Variants in BMPER observed in about 807,000 individuals in gnomAD.
The protein encoded by BMPER is BMP-binding endothelial regulator protein.
Under a neutral mutation model 87.3 loss-of-function variants are expected in BMPER, and 45 were observed. That is an observed-to-expected ratio of 0.52 (90% CI 0.41 to 0.66). The LOEUF (loss-of-function observed/expected upper bound fraction) is 0.66, where lower values mean the gene tolerates loss of function less well. Among genes scored for constraint, BMPER ranks in the 30% least tolerant of loss-of-function variants. BMPER has a pLI of 0.00. For missense variants in BMPER, 784 were observed against 867.5 expected (o/e 0.90, Z 1.21); for synonymous variants, 326 against 316.2 (o/e 1.03, Z -0.33).
intron 6 of BMPER, among the ~76,000 whole-genome samples, chr7:33,997,802 T>C (rs748327530): frequency 3.3e-5 from 5 of 152,190 alleles, no homozygotes; most frequent in Non-Finnish European, 5.9e-5. Flanking sequence ...TGCCCACATA[T>C]CTGACTTCTT....
At position 33,993,820 on chromosome 7, in the gene BMPER, G is replaced by C. The variant is rs1786308793; in HGVS notation, c.576+19036G>C. ...TTTGGTATGGATGTCCTTTCTGTTT[G>C]TTAGTTTTCCTTCTAACAGACAGGA... is the stretch of plus-strand genomic sequence containing the variant. On this transcript the variant is annotated intron_variant, in intron 6 of 14. Coordinates refer to ENST00000649409, the MANE Select transcript of BMPER (RefSeq NM_001365308.1). Among the ~76,000 whole-genome samples, 3 of 152,176 alleles carry C rather than the reference G, an allele frequency of 2.0e-5. No homozygotes were observed. In the South Asian group the frequency reaches 6.2e-4, roughly 32 times the overall value.
At chr7:34,065,233 T>TCTCTCTCTCTCTCTCTCC (rs1174168874) in intron 11 of BMPER, among the ~76,000 whole-genome samples, 7 of 147,514 alleles carry the variant, frequency 4.7e-5, no homozygotes, top group Admixed American at 1.3e-4. Context: ...TCTCTCTCTC[T>TCTCTCTCTCTCTCTCTCC]CTCTCTCTCT....
chr7:34,094,158 A>G (rs1184511665), intron 13 of BMPER, among the ~76,000 whole-genome samples: 2 of 152,168 alleles, frequency 1.3e-5, no homozygotes, highest in Non-Finnish European at 2.9e-5. Flanking sequence ...GGAGGAGTTT[A>G]TCAGTTATTT....
At chr7:33,937,699 T>G (rs1178827705) in intron 3 of BMPER, 1 of 390,320 alleles carries the variant, frequency 2.6e-6, no homozygotes, top group Admixed American at 3.8e-5. Flanking sequence ...TCTGCATATT[T>G]GTACACACAC....
At chr7:34,132,158 T>C (rs1482087706) in intron 13 of BMPER, among the ~76,000 whole-genome samples, 1 of 152,106 alleles carries the variant, frequency 6.6e-6, no homozygotes, top group Non-Finnish European at 1.5e-5. Context: ...CGTGGGACAA[T>C]TGTGTAGGCA....
intron 13 of BMPER, among the ~76,000 whole-genome samples, chr7:34,096,508 G>A (rs1288626050): frequency 6.6e-6 from 1 of 152,162 alleles, no homozygotes; most frequent in Non-Finnish European, 1.5e-5. Flanking sequence ...TACGAAATAG[G>A]AGTGGAGGCT....
intron 2 of BMPER, among the ~76,000 whole-genome samples, chr7:33,925,765 G>A (rs1585642395): frequency 6.6e-6 from 1 of 152,316 alleles, no homozygotes; most frequent in Non-Finnish European, 1.5e-5. Flanking sequence ...TTCACTTGGA[G>A]TGCACTGGAA....
chr7:33,999,904 G>A (rs557077578), intron 6 of BMPER, among the ~76,000 whole-genome samples: 10 of 152,150 alleles, frequency 6.6e-5, no homozygotes, highest in Non-Finnish European at 1.3e-4. Context: ...GAACTTAAAA[G>A]GCCACTACGC....
chr7:34,082,596 T>C (rs894576345), intron 12 of BMPER, among the ~76,000 whole-genome samples: 2 of 152,140 alleles, frequency 1.3e-5, no homozygotes, highest in East Asian at 1.9e-4. Context: ...TCGTGTTTTA[T>C]GAATGAGATG....
chr7:34,069,306 A>G (rs1788679062), intron 11 of BMPER, among the ~76,000 whole-genome samples: 1 of 152,230 alleles, frequency 6.6e-6, no homozygotes, highest in African/African-American at 2.4e-5. Context: ...ATACATTACT[A>G]TATGCAGAGC....
intron 6 of BMPER, among the ~76,000 whole-genome samples, chr7:34,041,021 C>T (rs935605892): frequency 3.3e-5 from 5 of 152,126 alleles, no homozygotes; most frequent in Admixed American, 6.6e-5. Flanking sequence ...ACACAAGAGA[C>T]GTCTAGAAGG....
In BMPER at chr7:34,122,840, A is replaced by T. The variant is rs140188223; in HGVS notation, c.1746-20390A>T. 6.9e-3 allele frequency among the ~76,000 whole-genome samples: 1,044 copies of T among 152,278 alleles called. 6 individuals are homozygous for T. Among genetic ancestry groups the T allele is most frequent in the Non-Finnish European group, 0.01 (682 of 68,030 alleles). On this transcript the variant is annotated intron_variant, in intron 13 of 14. Coordinates refer to ENST00000649409, the MANE Select transcript of BMPER (RefSeq NM_001365308.1). ...ATTTTCATCCAAGGTCTGAAATAAC[A>T]TTTTTTTAAATCGGTATTTACCTGA...
intron 12 of BMPER, among the ~76,000 whole-genome samples, chr7:34,080,418 G>C (rs1366497604): frequency 6.6e-6 from 1 of 152,176 alleles, no homozygotes; most frequent in East Asian, 1.9e-4. Flanking sequence ...AGTATGACAT[G>C]TTTTCAGTGA....
intron 6 of BMPER, among the ~76,000 whole-genome samples, chr7:33,982,143 G>A (rs12701341): frequency 0.47 from 70,956 of 152,074 alleles, 16,876 homozygotes; most frequent in African/African-American, 0.55. Context: ...CTGTGGTCAC[G>A]TGGTGCCCAA....
At chr7:34,028,601 G>GGTTTT (rs1787426612) in intron 6 of BMPER, among the ~76,000 whole-genome samples, 8 of 36,054 alleles carry the variant, frequency 2.2e-4, no homozygotes, top group African/African-American at 6.2e-4. Context: ...CATTTTTTCT[G>GGTTTT]TTTTTTTTTT....
At chr7:34,090,514 A>G (rs12673203) in intron 13 of BMPER, among the ~76,000 whole-genome samples, 43,997 of 151,874 alleles carry the variant, frequency 0.29, 6,814 homozygotes, top group African/African-American at 0.36. Flanking sequence ...TATCAAACCT[A>G]CCTTCCCGCT....
chr7:34,130,401 C>T (rs1174878060), intron 13 of BMPER, among the ~76,000 whole-genome samples: 1 of 152,186 alleles, frequency 6.6e-6, no homozygotes, highest in Non-Finnish European at 1.5e-5. Context: ...GCTGTCTACT[C>T]CAGTTTTCAG....
chr7:34,107,921 T>A (rs1171750276), intron 13 of BMPER, among the ~76,000 whole-genome samples: 1 of 152,232 alleles, frequency 6.6e-6, no homozygotes, highest in Admixed American at 6.5e-5. Context: ...TCCTTATCTA[T>A]AAAATGCATA....
intron 6 of BMPER, among the ~76,000 whole-genome samples, chr7:33,981,522 G>A (rs1429198660): frequency 1.3e-5 from 2 of 152,108 alleles, no homozygotes; most frequent in Admixed American, 6.6e-5. Context: ...CATCTAAAAT[G>A]ATTTGTAATT....
Sources: gnomAD v4.1 joint callset for allele counts (sites outside exome capture counted in the v4.1 genomes callset) on GRCh38, gnomAD v4.1.1 for gene constraint, MANE v1.5 for transcripts, NCBI Gene and HGNC (gene_info 2026-07-23, HGNC 2026-07-21) for gene names.